The following CCSER1 variants were observed in gnomAD, a reference collection of about 807,000 sequenced individuals.
CCSER1 encodes the protein coiled-coil serine rich protein 1, also known as serine-rich coiled-coil domain-containing protein 1.
A neutral mutation model predicts 82.0 loss-of-function variants in CCSER1; 41 were observed. The ratio of observed to expected loss-of-function variants is 0.50; its 90% CI spans 0.39 to 0.65. The LOEUF (loss-of-function observed/expected upper bound fraction) is 0.65. Among genes scored for constraint, CCSER1 ranks in the 30% least tolerant of loss-of-function variants. The probability of loss-of-function intolerance (pLI) is 0.00; values close to 1 mark genes in which losing one functional copy is unlikely to be tolerated. For missense variants in CCSER1, 1,119 were observed against 1,064.2 expected, an observed-to-expected ratio of 1.05 and a Z score of -0.72; for synonymous variants, 414 against 383.9, an observed-to-expected ratio of 1.08 and a Z score of -0.92.
intron 8 of CCSER1, among the ~76,000 whole-genome samples, chr4:90,867,611 G>T (rs903420541): frequency 6.6e-6 from 1 of 151,568 alleles, no homozygotes; most frequent in South Asian, 2.1e-4. Context: ...TCACCCTGTT[G>T]TGCTGTCAAA....
chr4:91,501,114 A>G (rs1414086221), intron 10 of CCSER1, among the ~76,000 whole-genome samples: 3 of 151,850 alleles, frequency 2.0e-5, no homozygotes. Context: ...TGAAAATATT[A>G]TATTAATCAA....
chr4:91,592,515 A>C (rs1399336001), intron 10 of CCSER1, among the ~76,000 whole-genome samples: 1 of 152,130 alleles, frequency 6.6e-6, no homozygotes, highest in Non-Finnish European at 1.5e-5. Flanking sequence ...TTAATAGGAA[A>C]CCATGAACTT....
intron 10 of CCSER1, among the ~76,000 whole-genome samples, chr4:91,288,723 A>G (rs1047829461): frequency 9.9e-5 from 15 of 151,920 alleles, no homozygotes; most frequent in Admixed American, 2.6e-4. Context: ...CAACACAGTC[A>G]CTCTTAGGAC....
At chr4:91,089,276 A>G (rs1723699637) in intron 10 of CCSER1, among the ~76,000 whole-genome samples, 3 of 152,264 alleles carry the variant, frequency 2.0e-5, no homozygotes, top group African/African-American at 4.8e-5. Flanking sequence ...CTTCCATACA[A>G]TGTCTGGAAT....
chr4:90,148,291 A>ATAATAG (rs1182422224), intron 1 of CCSER1, among the ~76,000 whole-genome samples: 1 of 152,224 alleles, frequency 6.6e-6, no homozygotes, highest in Non-Finnish European at 1.5e-5. Context: ...CATAAGAAAA[A>ATAATAG]TAATAGTACT....
chr4:90,249,549 A>G (rs1225687332), intron 1 of CCSER1, among the ~76,000 whole-genome samples: 1 of 152,174 alleles, frequency 6.6e-6, no homozygotes, highest in African/African-American at 2.4e-5. Flanking sequence ...CTGTCTCTAT[A>G]GATTTACTTA....
chr4:90,937,694 T>C (rs1333627744), intron 9 of CCSER1, among the ~76,000 whole-genome samples: 5 of 152,192 alleles, frequency 3.3e-5, no homozygotes. Flanking sequence ...TCTAAGTTTT[T>C]AGGTTTCATT....
intron 9 of CCSER1, among the ~76,000 whole-genome samples, chr4:91,039,281 G>T (rs1741716844): frequency 6.6e-6 from 1 of 151,374 alleles, no homozygotes; most frequent in Non-Finnish European, 1.5e-5. Flanking sequence ...GTGCTCAAGT[G>T]ATCCTCCCAC....
intron 10 of CCSER1, among the ~76,000 whole-genome samples, chr4:91,464,076 A>G (rs1314239070): frequency 6.6e-6 from 1 of 152,224 alleles, no homozygotes; most frequent in Non-Finnish European, 1.5e-5. Context: ...GTTGAAATAA[A>G]GGAAAAAATG....
At chr4:91,300,674 G>T (rs1016587285) in intron 10 of CCSER1, among the ~76,000 whole-genome samples, 1 of 151,696 alleles carries the variant, frequency 6.6e-6, no homozygotes, top group Non-Finnish European at 1.5e-5. Context: ...ACTTCTGAAA[G>T]ATTTTAACTA....
chr4:90,387,257 C>T (rs1392436087), intron 3 of CCSER1, among the ~76,000 whole-genome samples: 1 of 151,858 alleles, frequency 6.6e-6, no homozygotes, highest in Non-Finnish European at 1.5e-5. Context: ...CTCTATGATA[C>T]TCCTTACCTG....
intron 10 of CCSER1, among the ~76,000 whole-genome samples, chr4:91,473,646 A>G (rs68021234): frequency 0.099 from 15,119 of 152,154 alleles, 832 homozygotes; most frequent in Non-Finnish European, 0.12. Flanking sequence ...GATGATATAT[A>G]CTTCTTAGGT....
chr4:91,300,879 A>G (rs923520148), intron 10 of CCSER1, among the ~76,000 whole-genome samples: 1 of 151,902 alleles, frequency 6.6e-6, no homozygotes, highest in African/African-American at 2.4e-5. Flanking sequence ...AGTGTTTCAG[A>G]TACATTCCAG....
chr4:90,352,104 C>T (rs1254155935), intron 3 of CCSER1, among the ~76,000 whole-genome samples: 6 of 152,076 alleles, frequency 3.9e-5, no homozygotes, highest in African/African-American at 1.2e-4. Context: ...CCGAGCGGAT[C>T]ACAAGGTCAG....
intron 1 of CCSER1, among the ~76,000 whole-genome samples, chr4:90,128,305 C>T: frequency 6.8e-6 from 1 of 147,382 alleles, no homozygotes; most frequent in Admixed American, 6.7e-5. Context: ...GAGGAGGGGG[C>T]GGGGAGCCAG....
rs766918941 is a variant in CCSER1, at chr4:91,515,671, CAT to C, written c.2218-82900_2218-82899del. The stretch of plus-strand genomic sequence containing the variant: ...ACATGCTGCAGTAAATATATACACA[CAT>C]GTGTCTTTTTGGTAGAATGATGATA... On this transcript the variant is annotated intron_variant, in intron 10 of 10. Transcript: ENST00000509176. Among the ~76,000 whole-genome samples the C allele has an allele frequency of 4.6e-5, 7 of 151,996 alleles. No homozygotes were observed. The East Asian group carries it at 5.8e-4, about 13-fold the overall frequency.
intron 3 of CCSER1, among the ~76,000 whole-genome samples, chr4:90,377,456 G>A (rs1251480593): frequency 1.3e-5 from 2 of 152,116 alleles, no homozygotes; most frequent in Non-Finnish European, 2.9e-5. Context: ...TGGATAAACT[G>A]TATGTAATAT....
chr4:91,245,286 G>A (rs4547767), intron 10 of CCSER1, among the ~76,000 whole-genome samples: 75,325 of 151,896 alleles, frequency 0.5, 19,255 homozygotes, highest in African/African-American at 0.62. Context: ...ACATTCAAGT[G>A]TAAGAAGATT....
intron 9 of CCSER1, among the ~76,000 whole-genome samples, chr4:90,971,695 C>A (rs1214494426): frequency 5.3e-5 from 8 of 151,920 alleles, no homozygotes; most frequent in Admixed American, 5.3e-4. Flanking sequence ...TCAAACCTTA[C>A]AAGTATTCTA....
Sources: allele counts gnomAD v4.1 joint callset (sites outside exome capture counted in the v4.1 genomes callset), GRCh38; gene constraint gnomAD v4.1.1; transcripts MANE v1.5; gene names NCBI Gene and HGNC (gene_info 2026-07-23, HGNC 2026-07-21).